The following TTC27 variants were observed in gnomAD, a reference collection of about 807,000 sequenced individuals.
The protein encoded by TTC27 is tetratricopeptide repeat domain 27.
A neutral mutation model predicts 115.9 loss-of-function variants in TTC27; 79 were observed. The ratio of observed to expected loss-of-function variants is 0.68; its 90% CI spans 0.57 to 0.82. The LOEUF (loss-of-function observed/expected upper bound fraction) is 0.82. TTC27 is among the 40% of genes least tolerant of loss of function. The pLI, the probability that TTC27 is intolerant of heterozygous loss-of-function variation, is 0.00. For synonymous variants in TTC27, 401 were observed against 356.0 expected (o/e 1.13, Z -1.42); for missense variants, 1,054 against 993.1 (o/e 1.06, Z -0.82).
chr2:32,689,590 T>C (rs181450360), intron 9 of TTC27, among the ~76,000 whole-genome samples: 13 of 152,276 alleles, frequency 8.5e-5, no homozygotes, highest in African/African-American at 3.1e-4. Context: ...TTTGGAAACC[T>C]GCATGTAAAA....
chr2:32,777,100 A>T (rs1670020320), intron 13 of TTC27, among the ~76,000 whole-genome samples: 1 of 152,232 alleles, frequency 6.6e-6, no homozygotes, highest in Admixed American at 6.5e-5. Flanking sequence ...GGTAATCCAG[A>T]TTCTGAACCT....
At chr2:32,738,232 C>T (rs1010005545) in intron 12 of TTC27, among the ~76,000 whole-genome samples, 2 of 152,176 alleles carry the variant, frequency 1.3e-5, no homozygotes, top group Admixed American at 1.3e-4. Flanking sequence ...AAATGCCAGC[C>T]TGCTTCATGC....
At chr2:32,668,603 A>G (rs1454777019) in intron 7 of TTC27, among the ~76,000 whole-genome samples, 1 of 69,658 alleles carries the variant, frequency 1.4e-5, no homozygotes, top group African/African-American at 6.9e-5. Context: ...CCATTTTTAA[A>G]TGGAGATGAG....
At chr2:32,758,582 A>G in intron 13 of TTC27, 63 bp downstream of exon 13, 7 of 1,475,306 alleles carry the variant, frequency 4.7e-6, no homozygotes, top group Admixed American at 1.8e-5. Flanking sequence ...ATTTGATCTT[A>G]CAGAATGAGT....
chr2:32,803,855 G>C (rs1671041623), intron 16 of TTC27, among the ~76,000 whole-genome samples: 1 of 151,640 alleles, frequency 6.6e-6, no homozygotes, highest in African/African-American at 2.4e-5. Context: ...AAAATACAAA[G>C]AATTAGCCAG....
intron 12 of TTC27, among the ~76,000 whole-genome samples, chr2:32,753,443 T>TTTTTTTTTTTTG (rs1669086859): frequency 7.6e-6 from 1 of 131,360 alleles, no homozygotes; most frequent in African/African-American, 2.9e-5. Flanking sequence ...TTTTTTTTTT[T>TTTTTTTTTTTTG]TTTTTTTTTT....
At chr2:32,810,609 G>C (rs1396205742) in intron 16 of TTC27, among the ~76,000 whole-genome samples, 1 of 152,164 alleles carries the variant, frequency 6.6e-6, no homozygotes, top group African/African-American at 2.4e-5. Flanking sequence ...TAACCTGTCT[G>C]GTAGGTATTG....
intron 9 of TTC27, among the ~76,000 whole-genome samples, chr2:32,692,107 C>T (rs1398000116): frequency 8.3e-6 from 1 of 120,686 alleles, no homozygotes; most frequent in Non-Finnish European, 1.6e-5. Context: ...TCTTGAACTC[C>T]TGGGCTCAAG....
intron 10 of TTC27, among the ~76,000 whole-genome samples, chr2:32,729,662 C>T (rs1310831599): frequency 6.6e-6 from 1 of 152,158 alleles, no homozygotes; most frequent in Non-Finnish European, 1.5e-5. Context: ...CTGGTATATC[C>T]AGCCCCTACT....
intron 8 of TTC27, among the ~76,000 whole-genome samples, chr2:32,672,712 G>A (rs905946758): frequency 6.6e-6 from 1 of 152,152 alleles, no homozygotes. Flanking sequence ...TCAAAGGATA[G>A]GATTATTTTT....
chr2:32,798,713 A>AAATAAT (rs200425222), intron 16 of TTC27, among the ~76,000 whole-genome samples: 4,236 of 142,266 alleles, frequency 0.03, 93 homozygotes, highest in Middle Eastern at 0.04. Context: ...TCAAAAAAAA[A>AAATAAT]AATAATAATA....
In TTC27 at chr2:32,628,113, T is replaced by G. The variant is rs2063522318; in HGVS notation, c.-180T>G. The G allele has an allele frequency of 1.2e-5, 7 of 588,106 alleles. No homozygotes were observed. The highest frequency in any genetic ancestry group is 1.5e-5 in the Non-Finnish European group (5 of 336,160). The allele number at this position is 588,106 out of a possible 1,614,324, so 36.4% of individuals were successfully genotyped here. ...TTTTTCCCAGGGTGCCCCGCGCTGC[T>G]GTTATGGCCGCCTCCTTGAGGTAGT... On this transcript the variant is annotated 5_prime_UTR_variant, in exon 1 of 20. Transcript: ENST00000317907.
At chr2:32,674,689 C>T (rs1433042795) in intron 8 of TTC27, among the ~76,000 whole-genome samples, 15 of 144,836 alleles carry the variant, frequency 1.0e-4, no homozygotes, top group South Asian at 6.7e-4. Flanking sequence ...GACAGAGTCT[C>T]GCTGTGTCAC....
chr2:32,789,921 C>CAAAAAAAAA (rs34859954), intron 16 of TTC27, among the ~76,000 whole-genome samples: 11 of 25,956 alleles, frequency 4.2e-4, no homozygotes, highest in Admixed American at 5.4e-4. Flanking sequence ...ACCCTGTCTC[C>CAAAAAAAAA]AAAAAAAAAA....
intron 7 of TTC27, among the ~76,000 whole-genome samples, chr2:32,669,358 A>G (rs1310664427): frequency 6.6e-6 from 1 of 152,184 alleles, no homozygotes; most frequent in African/African-American, 2.4e-5. Context: ...GTTAATTACT[A>G]CTTGAAGATG....
intron 16 of TTC27, among the ~76,000 whole-genome samples, chr2:32,789,451 G>A (rs1670456414): frequency 6.6e-6 from 1 of 151,842 alleles, no homozygotes; most frequent in Non-Finnish European, 1.5e-5. Context: ...GGAGAGAGGT[G>A]ATATTTAGAA....
chr2:32,733,775 T>C lies in TTC27; in HGVS notation c.1234-53T>C, dbSNP rs553807657. 4.3e-6 allele frequency: 5 copies of C among 1,163,314 alleles called. No individual in the cohort carries two copies. The African/African-American group carries it at 6.4e-5, about 15-fold the overall frequency. The allele number at this position is 1,163,314 out of a possible 1,614,324, so 72.1% of individuals were successfully genotyped here. ...GTATAACTATTACAATAAGGACTTATTTATATTATAAGTTATACATATAGA... is the reference window on the plus strand; with the variant it reads ...GTATAACTATTACAATAAGGACTTACTTATATTATAAGTTATACATATAGA... On this transcript the variant is annotated intron_variant, in intron 10 of 19. Transcript: ENST00000317907.
chr2:32,639,361 C>G (rs1400700447), intron 3 of TTC27, among the ~76,000 whole-genome samples: 2 of 152,096 alleles, frequency 1.3e-5, no homozygotes, highest in Non-Finnish European at 2.9e-5. Flanking sequence ...GTAAAAAAAT[C>G]TCTGTACAAC....
intron 16 of TTC27, among the ~76,000 whole-genome samples, chr2:32,801,162 T>C (rs1670921501): frequency 6.6e-6 from 1 of 152,196 alleles, no homozygotes; most frequent in African/African-American, 2.4e-5. Flanking sequence ...CTCAGTGTTT[T>C]AACTGTCTTA....
Sources: gnomAD v4.1 joint callset for allele counts (sites outside exome capture counted in the v4.1 genomes callset) on GRCh38, gnomAD v4.1.1 for gene constraint, MANE v1.5 for transcripts, NCBI Gene and HGNC (gene_info 2026-07-23, HGNC 2026-07-21) for gene names.